Variants in TBP observed in about 807,000 individuals in gnomAD.
TBP encodes the protein TATA-box binding protein.
A neutral mutation model predicts 46.2 loss-of-function variants in TBP; 12 were observed. The ratio of observed to expected loss-of-function variants is 0.26; its 90% CI spans 0.17 to 0.42. TBP has a LOEUF of 0.42. Among genes scored for constraint, TBP ranks in the 10% least tolerant of loss-of-function variants. The probability of loss-of-function intolerance (pLI) is 1.00; values close to 1 mark genes in which losing one functional copy is unlikely to be tolerated. For synonymous variants in TBP, 157 were observed against 148.3 expected, an observed-to-expected ratio of 1.06 and a Z score of -0.42; for missense variants, 229 against 403.1, an observed-to-expected ratio of 0.57 and a Z score of 3.70.
Position 170,561,840 on chromosome 6 carries a change from G to T in TBP, c.104G>T (p.Gly35Val), listed in dbSNP as rs749788903. ...IPIFSPMMPY[G>V]TGLTPQPIQN... ...ATCTTTAGTCCAATGATGCCTTATG[G>T]CACTGGACTGACCCCACAGCCTATT... The change falls in exon 3 of 8, where the codon GGC (glycine) becomes GTC (valine). Residue 35 changes from glycine (G) to valine (V), a missense_variant. By Grantham distance (109) the Gly-to-Val change is moderately radical. Around this residue, in one of 4 missense-constraint regions of TBP, gnomAD observed 49 missense variants for 94.7 expected, o/e 0.52. Coordinates refer to ENST00000392092, the MANE Select transcript of TBP (RefSeq NM_003194.5). 6.2e-7 allele frequency: 1 copy of T among 1,613,924 alleles called. No individual in the cohort carries two copies. The highest frequency in any genetic ancestry group is 8.5e-7 in the Non-Finnish European group (1 of 1,179,994).
chr6:170,571,260 T>C (rs1779361518), intron 6 of TBP, 150 bp from the exon 7 acceptor site: 2 of 607,924 alleles, frequency 3.3e-6, no homozygotes, highest in African/African-American at 3.7e-5. Flanking sequence ...GCTTTAATTA[T>C]TCTATTCTAT....
Position 170,561,967 on chromosome 6 carries a change from G to GCAGCAGCAGCAGCAACAGCAA in TBP, c.245_246insACAGCAACAGCAGCAGCAGCA (p.Gln89_Gln95dup). The GCAGCAGCAGCAGCAACAGCAA allele has an allele frequency of 1.4e-6, 1 of 706,090 alleles. No individual in the cohort carries two copies. The highest frequency in any genetic ancestry group is 1.6e-4 in the East Asian group (1 of 6,370). The allele number at this position is 706,090 out of a possible 1,614,324, so 43.7% of individuals were successfully genotyped here. A position where few individuals can be genotyped will look rare whatever the true frequency, so the allele number is the denominator to read the frequency against. On this transcript the variant is annotated inframe_insertion, in exon 3 of 8. Transcript: ENST00000392092. ...AGCAGCAGCAACAGCAACAGCAGCA[G>GCAGCAGCAGCAGCAACAGCAA]CAGCAGCAGCAGCAGCAGCAGCAGC...
At chr6:170,569,924 TG>T in intron 6 of TBP, 145 bp downstream of exon 6, 1 of 801,270 alleles carries the variant, frequency 1.2e-6, no homozygotes, top group Non-Finnish European at 1.9e-6. Flanking sequence ...ATTGTCTTCC[TG>T]ATGTTCTCAG....
Position 170,561,945 on chromosome 6 carries a change from AG to A in TBP, c.210del (p.Gln70HisfsTer74). 6.3e-7 allele frequency: 1 copy of A among 1,580,628 alleles called. No individual in the cohort carries two copies. The highest frequency in any genetic ancestry group is 8.6e-7 in the Non-Finnish European group (1 of 1,169,080). On this transcript the variant is annotated frameshift_variant, in exon 3 of 8. Coordinates refer to ENST00000392092, the MANE Select transcript of TBP (RefSeq NM_003194.5). LOFTEE classifies it high-confidence loss of function. ...CAACAACAGCAGCAGCAGCAGCAGC[AG>A]CAGCAACAGCAACAGCAGCAGCAGC... ...QQQQQQQQQQ[Q>X]QQQQQQQQQQ...
intron 2 of TBP, 42 bp from the exon 3 acceptor site, chr6:170,561,749 G>A (rs764101448): frequency 1.3e-6 from 2 of 1,585,574 alleles, no homozygotes; most frequent in Admixed American, 3.4e-5. Flanking sequence ...CAAACACTTA[G>A]CAGCAGCCAG....
intron 4 of TBP, 128 bp downstream of exon 4, chr6:170,564,760 C>A: frequency 2.2e-6 from 1 of 447,788 alleles, no homozygotes; most frequent in Non-Finnish European, 3.7e-6. Context: ...GTGGCTAATG[C>A]CTGTAATCCC....
At chr6:170,554,794 C>T (rs946340420) in intron 1 of TBP, 7 of 152,308 alleles carry the variant, frequency 4.6e-5, no homozygotes, top group African/African-American at 1.7e-4. Context: ...TCCTGCCATC[C>T]GCTTCTTCTC....
At chr6:170,561,297 G>C (rs891936978) in intron 2 of TBP, among the ~76,000 whole-genome samples, 1 of 152,150 alleles carries the variant, frequency 6.6e-6, no homozygotes, top group African/African-American at 2.4e-5. Context: ...AATTGATGCC[G>C]CTTGCTTTAT....
intron 5 of TBP, 107 bp downstream of exon 5, chr6:170,567,116 T>G (rs1779268898): frequency 6.5e-6 from 4 of 610,706 alleles, no homozygotes; most frequent in Non-Finnish European, 9.9e-6. Flanking sequence ...TATTATTGCT[T>G]TCTTATAAAA....
chr6:170,559,413 C>T (rs1348997842), intron 2 of TBP, among the ~76,000 whole-genome samples: 1 of 152,096 alleles, frequency 6.6e-6, no homozygotes, highest in Non-Finnish European at 1.5e-5. Flanking sequence ...CCAGTAAACC[C>T]ACAAGTGATA....
At chr6:170,561,039 C>G (rs555033574) in intron 2 of TBP, among the ~76,000 whole-genome samples, 2 of 152,306 alleles carry the variant, frequency 1.3e-5, no homozygotes, top group African/African-American at 4.8e-5. Context: ...GTGTGGCAAA[C>G]TTCGTCAGTC....
chr6:170,560,479 G>T (rs1204465785), intron 2 of TBP, among the ~76,000 whole-genome samples: 1 of 152,214 alleles, frequency 6.6e-6, no homozygotes, highest in Non-Finnish European at 1.5e-5. Flanking sequence ...AGGAAGCAGG[G>T]AGGGACATAT....
intron 6 of TBP, among the ~76,000 whole-genome samples, chr6:170,571,161 G>A (rs1413309434): frequency 1.3e-5 from 2 of 152,168 alleles, no homozygotes; most frequent in Non-Finnish European, 2.9e-5. Flanking sequence ...AGAAAATCCA[G>A]ATTCAATAGA....
chr6:170,556,651 G>T (rs976227141), intron 1 of TBP, among the ~76,000 whole-genome samples: 1 of 152,058 alleles, frequency 6.6e-6, no homozygotes, highest in African/African-American at 2.4e-5. Flanking sequence ...AGCATTTTCC[G>T]ATTATTTAAA....
chr6:170,555,200 C>T (rs1778993724), intron 1 of TBP, among the ~76,000 whole-genome samples: 1 of 152,144 alleles, frequency 6.6e-6, no homozygotes, highest in South Asian at 2.1e-4. Context: ...CAAAAAGTGG[C>T]CTGAAGCCAC....
intron 5 of TBP, among the ~76,000 whole-genome samples, chr6:170,569,032 C>T (rs746415939): frequency 1.3e-5 from 2 of 151,706 alleles, no homozygotes; most frequent in African/African-American, 2.4e-5. Flanking sequence ...AAGCTGGTCT[C>T]GAACTCTTGA....
intron 5 of TBP, among the ~76,000 whole-genome samples, chr6:170,569,005 G>T (rs1440979355): frequency 6.6e-6 from 1 of 151,402 alleles, no homozygotes; most frequent in Non-Finnish European, 1.5e-5. Context: ...TAGAGATAGG[G>T]TTTCACCATG....
chr6:170,557,181 A>G, intron 2 of TBP, 98 bp downstream of exon 2: 1 of 1,186,504 alleles, frequency 8.4e-7, no homozygotes, highest in Non-Finnish European at 1.2e-6. Context: ...TCTGTTTTTG[A>G]AAATGGTTTA....
At chr6:170,561,283 A>T (rs1779134226) in intron 2 of TBP, among the ~76,000 whole-genome samples, 1 of 152,250 alleles carries the variant, frequency 6.6e-6, no homozygotes, top group Admixed American at 6.5e-5. Flanking sequence ...CTGGGAAACC[A>T]AAAAATTGAT....
Sources: allele counts gnomAD v4.1 joint callset (sites outside exome capture counted in the v4.1 genomes callset), GRCh38; gene constraint gnomAD v4.1.1; regional missense constraint gnomAD v4.1.1; transcripts MANE v1.5; gene names NCBI Gene and HGNC (gene_info 2026-07-23, HGNC 2026-07-21).